Variants in BLOC1S5 observed in about 807,000 individuals in gnomAD.
The protein encoded by BLOC1S5 is biogenesis of lysosomal organelles complex 1 subunit 5.
Under a neutral mutation model 24.3 loss-of-function variants are expected in BLOC1S5, and 27 were observed. That is an observed-to-expected ratio of 1.11 (90% CI 0.82 to 1.53). The LOEUF is 1.53. Ranked by LOEUF, BLOC1S5 falls within the 40% of genes most tolerant of loss-of-function variation. BLOC1S5 has a pLI of 0.00. For missense variants in BLOC1S5, 239 were observed against 229.4 expected (o/e 1.04, Z -0.27); for synonymous variants, 84 against 74.5 (o/e 1.13, Z -0.66).
Position 8,014,821 on chromosome 6 carries a change from G to A in BLOC1S5, c.*828C>T, listed in dbSNP as rs1762682215. 1 of 152,448 alleles carries A rather than the reference G, an allele frequency of 6.6e-6. No homozygotes were observed. Among genetic ancestry groups the A allele is most frequent in the Admixed American group, 6.5e-5 (1 of 15,268 alleles). 9.4% of individuals were successfully genotyped at this position (152,448 alleles called of 1,614,324 possible). A position where few individuals can be genotyped will look rare whatever the true frequency, so the allele number is the denominator to read the frequency against. On this transcript the variant is annotated 3_prime_UTR_variant, in exon 5 of 5. Coordinates refer to ENST00000397457, the MANE Select transcript of BLOC1S5 (RefSeq NM_201280.3). ...TCATTAAACAGTCGAAACATGTATA[G>A]ACATTATTTATCTTATAAAGCTTAC...
chr6:8,025,196 T>G (rs961246987), intron 4 of BLOC1S5, among the ~76,000 whole-genome samples: 2 of 152,256 alleles, frequency 1.3e-5, no homozygotes, highest in African/African-American at 4.8e-5. Flanking sequence ...GCTTTGGGAC[T>G]CCAAGACTTT....
intron 3 of BLOC1S5, among the ~76,000 whole-genome samples, chr6:8,026,701 T>G (rs1763119578): frequency 6.6e-6 from 1 of 152,238 alleles, no homozygotes; most frequent in Non-Finnish European, 1.5e-5. Context: ...ACAGATTGTC[T>G]ACAGCTCTCT....
intron 2 of BLOC1S5, among the ~76,000 whole-genome samples, chr6:8,044,957 A>T (rs191431615): frequency 1.3e-5 from 2 of 152,352 alleles, no homozygotes; most frequent in African/African-American, 4.8e-5. Flanking sequence ...GAGAAATCCA[A>T]GCCGGCTGCA....
chr6:8,038,074 C>T (rs1171551699), intron 3 of BLOC1S5, among the ~76,000 whole-genome samples: 1 of 152,210 alleles, frequency 6.6e-6, no homozygotes, highest in Non-Finnish European at 1.5e-5. Flanking sequence ...GGGGGAAACA[C>T]TCCAGGACAT....
chr6:8,038,334 A>C (rs1763556927), intron 3 of BLOC1S5, among the ~76,000 whole-genome samples: 1 of 152,222 alleles, frequency 6.6e-6, no homozygotes. Flanking sequence ...AATTTTAAAA[A>C]TAGGCAAAGA....
intron 4 of BLOC1S5, among the ~76,000 whole-genome samples, chr6:8,017,204 A>G (rs1762773156): frequency 6.6e-6 from 1 of 152,222 alleles, no homozygotes; most frequent in Non-Finnish European, 1.5e-5. Context: ...CATGTATGTC[A>G]TTAGCAGTTA....
At chr6:8,055,186 C>G (rs998351604) in intron 2 of BLOC1S5, among the ~76,000 whole-genome samples, 5 of 152,212 alleles carry the variant, frequency 3.3e-5, no homozygotes, top group Admixed American at 1.3e-4. Context: ...AATCCCAGCA[C>G]TTTGGGAAGC....
rs377205911 is a variant in BLOC1S5 at position 8,021,693 on chromosome 6, T to C, written c.384+4674A>G. ...ACAATGTGAATATAGATAATGCCAC[T>C]GAAATGTACATTTTAAAATGGTTAT... On this transcript the variant is annotated intron_variant, in intron 4 of 4. Coordinates refer to ENST00000397457, the MANE Select transcript of BLOC1S5 (RefSeq NM_201280.3). Among the ~76,000 whole-genome samples, 45 of 152,312 alleles carry C rather than the reference T, an allele frequency of 3.0e-4. No individual in the cohort carries two copies. In the South Asian group the frequency reaches 9.1e-3, roughly 31 times the overall value.
At position 8,015,491 on chromosome 6, in the gene BLOC1S5, C is replaced by A; in HGVS notation, c.*158G>T. ...AATGTGGCACCCTTCTTTAAATATC[C>A]AATCAGAATGCCAGTAGAAACTTCT... On this transcript the variant is annotated 3_prime_UTR_variant, in exon 5 of 5. Transcript: ENST00000397457. The A allele has an allele frequency of 3.0e-6, 2 of 670,206 alleles. No individual in the cohort carries two copies. The highest frequency in any genetic ancestry group is 2.4e-6 in the Non-Finnish European group (1 of 424,288). The allele number at this position is 670,206 out of a possible 1,614,324, so 41.5% of individuals were successfully genotyped here. A position where few individuals can be genotyped will look rare whatever the true frequency, so the allele number is the denominator to read the frequency against.
Position 8,035,046 on chromosome 6 carries a change from C to T in BLOC1S5, c.325+6093G>A, listed in dbSNP as rs184423359. On this transcript the variant is annotated intron_variant, in intron 3 of 4. Transcript: ENST00000397457. ...AATGAAATAATGACATTCACAGCAA[C>T]CTGGATGGAATTACAGACCATTATT... Among the ~76,000 whole-genome samples the T allele has an allele frequency of 1.5e-3, 233 of 152,014 alleles. 1 individual carries two copies. Among genetic ancestry groups the T allele is most frequent in the Non-Finnish European group, 1.5e-3 (102 of 67,980 alleles).
At chr6:8,060,093 C>T (rs1299202868) in intron 2 of BLOC1S5, among the ~76,000 whole-genome samples, 1 of 152,128 alleles carries the variant, frequency 6.6e-6, no homozygotes, top group Non-Finnish European at 1.5e-5. Flanking sequence ...AAAATGAATA[C>T]AGTGCCATAT....
In BLOC1S5 at chr6:8,035,121, C is replaced by G. The variant is rs542608431; in HGVS notation, c.325+6018G>C. 4.6e-5 allele frequency among the ~76,000 whole-genome samples: 7 copies of G among 152,018 alleles called. No homozygotes were observed. In the South Asian group the frequency reaches 1.5e-3, roughly 32 times the overall value. Reference sequence around the variant, plus strand: ...AAAACCAAACGTCGTTATGTTCTCGCTTATAAGTGGGAGCTAAGCTATGAG... The same window carrying G: ...AAAACCAAACGTCGTTATGTTCTCGGTTATAAGTGGGAGCTAAGCTATGAG... On this transcript the variant is annotated intron_variant, in intron 3 of 4. Transcript: ENST00000397457.
At chr6:8,021,436 T>C (rs1203515492) in intron 4 of BLOC1S5, among the ~76,000 whole-genome samples, 2 of 152,092 alleles carry the variant, frequency 1.3e-5, no homozygotes, top group Non-Finnish European at 2.9e-5. Context: ...CTGTCTTTAC[T>C]GAAAATACAA....
chr6:8,035,578 G>C (rs1454954470), intron 3 of BLOC1S5, among the ~76,000 whole-genome samples: 1 of 152,012 alleles, frequency 6.6e-6, no homozygotes, highest in Admixed American at 6.6e-5. Context: ...AAAAAGAGCA[G>C]GAGTAACTAT....
chr6:8,017,912 C>T (rs1365265145), intron 4 of BLOC1S5: 1 of 152,226 alleles, frequency 6.6e-6, no homozygotes, highest in Non-Finnish European at 1.5e-5. Context: ...AAATCCCTTT[C>T]ACAAGACAAA....
intron 2 of BLOC1S5, among the ~76,000 whole-genome samples, chr6:8,059,779 G>T (rs1561872596): frequency 6.6e-6 from 1 of 152,206 alleles, no homozygotes; most frequent in Non-Finnish European, 1.5e-5. Context: ...TTGGTCTTGT[G>T]TTGGTCACTG....
rs148689576 is a variant in BLOC1S5, at chr6:8,042,165, C to T, written c.196-897G>A. Among the ~76,000 whole-genome samples the T allele has an allele frequency of 1.7e-3, 258 of 152,128 alleles. 1 individual carries two copies. The highest frequency in any genetic ancestry group is 6.0e-3 in the African/African-American group (248 of 41,504). Reference sequence around the variant, plus strand: ...TTGGCAAGAGAAATACTAAAAGAACCAGAAAAATGGTCCAGATTGCCACAT... The same window carrying T: ...TTGGCAAGAGAAATACTAAAAGAACTAGAAAAATGGTCCAGATTGCCACAT... On this transcript the variant is annotated intron_variant, in intron 2 of 4. Coordinates refer to ENST00000397457, the MANE Select transcript of BLOC1S5 (RefSeq NM_201280.3).
intron 2 of BLOC1S5, among the ~76,000 whole-genome samples, chr6:8,044,168 T>C (rs1195399099): frequency 6.6e-6 from 1 of 150,488 alleles, no homozygotes; most frequent in East Asian, 2.0e-4. Flanking sequence ...CCTGTAATCC[T>C]AGCTACTCAG....
At chr6:8,024,623 T>G (rs543970815) in intron 4 of BLOC1S5, among the ~76,000 whole-genome samples, 7 of 152,040 alleles carry the variant, frequency 4.6e-5, no homozygotes, top group Non-Finnish European at 1.0e-4. Context: ...ACTTTTCAAT[T>G]TGCAAAATCA....
Sources: allele counts gnomAD v4.1 joint callset (sites outside exome capture counted in the v4.1 genomes callset), GRCh38; gene constraint gnomAD v4.1.1; transcripts MANE v1.5; gene names NCBI Gene and HGNC (gene_info 2026-07-23, HGNC 2026-07-21).